RASD2: variants seen among roughly 807,000 people sequenced by gnomAD.
RASD2 encodes GTP-binding protein Rhes.
A neutral mutation model predicts 15.8 loss-of-function variants in RASD2; 7 were observed. That is an observed-to-expected ratio of 0.44 (90% CI 0.25 to 0.83). RASD2 has a LOEUF of 0.83. Among genes scored for constraint, RASD2 ranks in the 40% least tolerant of loss-of-function variants. The pLI is 0.20. For missense variants in RASD2, 274 were observed against 382.8 expected, an observed-to-expected ratio of 0.72 and a Z score of 2.37; for synonymous variants, 155 against 153.6, an observed-to-expected ratio of 1.01 and a Z score of -0.07.
At chr22:35,550,355 C>T (rs113238560) in intron 2 of RASD2, among the ~76,000 whole-genome samples, 9 of 147,328 alleles carry the variant, frequency 6.1e-5, no homozygotes, top group Admixed American at 4.2e-4. Flanking sequence ...GCAGGAGAAT[C>T]GCTTAAACCC....
chr22:35,544,353 C>T (rs1333281549), intron 1 of RASD2, among the ~76,000 whole-genome samples: 2 of 152,080 alleles, frequency 1.3e-5, no homozygotes, highest in Admixed American at 1.3e-4. Flanking sequence ...TGGCAGCCCC[C>T]TCTCCACCCT....
intron 1 of RASD2, among the ~76,000 whole-genome samples, chr22:35,544,827 A>G (rs535826716): frequency 6.6e-6 from 1 of 152,230 alleles, no homozygotes; most frequent in African/African-American, 2.4e-5. Context: ...TAAATTGGAG[A>G]ATAACACCAC....
chr22:35,553,514 A>T lies in RASD2; in HGVS notation c.*1482A>T, dbSNP rs768978346. On this transcript the variant is annotated 3_prime_UTR_variant, in exon 3 of 3. Coordinates refer to ENST00000216127, the MANE Select transcript of RASD2 (RefSeq NM_014310.4). Reference sequence around the variant, plus strand: ...TATTGGGTCTTTCTGAGGTTCAGAGAGGGTAAGTAACTTCCTCCAGGTCAC... The same window carrying T: ...TATTGGGTCTTTCTGAGGTTCAGAGTGGGTAAGTAACTTCCTCCAGGTCAC... The T allele has an allele frequency of 7.9e-5, 12 of 152,376 alleles. No homozygotes were observed. Among genetic ancestry groups the T allele is most frequent in the Non-Finnish European group, 1.6e-4 (11 of 68,032 alleles). The allele number at this position is 152,376 out of a possible 1,614,324, so 9.4% of individuals were successfully genotyped here. A position where few individuals can be genotyped will look rare whatever the true frequency, so the allele number is the denominator to read the frequency against.
intron 2 of RASD2, 145 bp downstream of exon 2, chr22:35,547,225 T>A (rs1024595280): frequency 3.5e-6 from 4 of 1,132,626 alleles, no homozygotes; most frequent in African/African-American, 3.1e-5. Flanking sequence ...AGAGAGGTTT[T>A]GCCATGTGCT....
chr22:35,536,936 G>A (rs1488696950), upstream of RASD2, among the ~76,000 whole-genome samples: 1 of 152,186 alleles, frequency 6.6e-6, no homozygotes, highest in Non-Finnish European at 1.5e-5. Flanking sequence ...TAAACCGTAT[G>A]GTGATGAAAC....
intron 2 of RASD2, among the ~76,000 whole-genome samples, chr22:35,549,783 G>A (rs1021162772): frequency 6.6e-6 from 1 of 152,234 alleles, no homozygotes; most frequent in African/African-American, 2.4e-5. Flanking sequence ...AATGTGCCAT[G>A]TGCCATTAAA....
Position 35,552,140 on chromosome 22 carries a change from A to G in RASD2, c.*108A>G. 1 of 1,389,522 alleles carries G rather than the reference A, an allele frequency of 7.2e-7. No individual in the cohort carries two copies. Among genetic ancestry groups the G allele is most frequent in the East Asian group, 2.4e-5 (1 of 41,898 alleles). The allele number at this position is 1,389,522 out of a possible 1,614,324, so 86.1% of individuals were successfully genotyped here. On this transcript the variant is annotated 3_prime_UTR_variant, in exon 3 of 3. Transcript: ENST00000216127. ...GCCCCGGCAGCAGTCTTGTTCACAGACCTTAGGCACCAGACTGGAGGCCCC... is the reference window on the plus strand; with the variant it reads ...GCCCCGGCAGCAGTCTTGTTCACAGGCCTTAGGCACCAGACTGGAGGCCCC...
upstream of RASD2, among the ~76,000 whole-genome samples, chr22:35,536,550 C>T (rs377384321): frequency 1.3e-5 from 2 of 152,206 alleles, no homozygotes; most frequent in East Asian, 1.9e-4. Flanking sequence ...TGGTCTCGAT[C>T]TCATGACCTT....
chr22:35,548,882 T>G (rs532503686), intron 2 of RASD2, among the ~76,000 whole-genome samples: 9 of 152,204 alleles, frequency 5.9e-5, no homozygotes, highest in Admixed American at 5.2e-4. Flanking sequence ...AGGGAGGCTG[T>G]GAGGACTGCA....
chr22:35,540,917 C>T lies in RASD2; in HGVS notation c.-593C>T, dbSNP rs1407231425. 6.5e-6 allele frequency: 1 copy of T among 152,702 alleles called. No homozygotes were observed. Among genetic ancestry groups the T allele is most frequent in the Non-Finnish European group, 1.5e-5 (1 of 68,518 alleles). The allele number at this position is 152,702 out of a possible 1,614,324, so 9.5% of individuals were successfully genotyped here. A position where few individuals can be genotyped will look rare whatever the true frequency, so the allele number is the denominator to read the frequency against. ...TCCGGCGCTGGGAGAGCTGCAGAGC[C>T]GCGGGCAGAGAAGGAGGCCGCGGCC... is the stretch of plus-strand genomic sequence containing the variant. On this transcript the variant is annotated 5_prime_UTR_variant, in exon 1 of 3. Transcript: ENST00000216127.
chr22:35,550,169 A>G (rs1326535730), intron 2 of RASD2, among the ~76,000 whole-genome samples: 6 of 152,204 alleles, frequency 3.9e-5, no homozygotes, highest in East Asian at 1.9e-4. Flanking sequence ...AGGCTGAGGC[A>G]GGAGAATCTC....
At position 35,551,919 on chromosome 22, in the gene RASD2, AT is replaced by A; in HGVS notation, c.689del (p.Met230ArgfsTer98). On this transcript the variant is annotated frameshift_variant, in exon 3 of 3. Coordinates refer to ENST00000216127, the MANE Select transcript of RASD2 (RefSeq NM_014310.4). LOFTEE classifies it high-confidence loss of function. The surrounding 1 kb of genome is among the most constrained non-coding windows in gnomAD (Gnocchi z 4.9). ...CGTCAAGGAGATGGACGCCTATGGC[AT>A]GGTCTCGCCCTTCGCCCGCCGCCCC... ...RRVKEMDAYG[M>X]VSPFARRPSV... 1 of 1,611,204 alleles carries A rather than the reference AT, an allele frequency of 6.2e-7. No homozygotes were observed. The highest frequency in any genetic ancestry group is 8.5e-7 in the Non-Finnish European group (1 of 1,180,002).
At chr22:35,537,165 C>A (rs1030627948), upstream of RASD2, among the ~76,000 whole-genome samples, 3 of 152,210 alleles carry the variant, frequency 2.0e-5, no homozygotes, top group African/African-American at 7.2e-5. Flanking sequence ...TCTCCCTGAA[C>A]CTCAGTTTCC....
chr22:35,546,666 C>T, intron 1 of RASD2, 135 bp from the exon 2 acceptor site: 1 of 1,205,480 alleles, frequency 8.3e-7, no homozygotes, highest in Non-Finnish European at 1.1e-6. Context: ...AACTCCAAGA[C>T]CCCTTAGAAC....
chr22:35,538,403 G>C (rs553553965), upstream of RASD2, among the ~76,000 whole-genome samples: 1 of 152,202 alleles, frequency 6.6e-6, no homozygotes, highest in South Asian at 2.1e-4. Context: ...AGGGACGAAG[G>C]GGGCAGCTAT....
At chr22:35,534,421 C>CTCTAATA in the RASD2 span, among the ~76,000 whole-genome samples, 1 of 152,194 alleles carries the variant, frequency 6.6e-6, no homozygotes, top group African/African-American at 2.4e-5. Context: ...CTACAAATGA[C>CTCTAATA]TCTAATAATG....
rs1934708105 is a variant in RASD2 at position 35,552,671 on chromosome 22, C to T, written c.*639C>T. The T allele has an allele frequency of 6.5e-6, 1 of 153,204 alleles. No homozygotes were observed. The highest frequency in any genetic ancestry group is 6.5e-5 in the Admixed American group (1 of 15,334). The allele number at this position is 153,204 out of a possible 1,614,324, so 9.5% of individuals were successfully genotyped here. ...TTAGACCACGCCCACCTCCTGACCG[C>T]GTTCCTCAGCCTCCTCTCCTAGGTC... On this transcript the variant is annotated 3_prime_UTR_variant, in exon 3 of 3. Coordinates refer to ENST00000216127, the MANE Select transcript of RASD2 (RefSeq NM_014310.4).
At chr22:35,535,187 T>C in the RASD2 span, among the ~76,000 whole-genome samples, 3 of 152,166 alleles carry the variant, frequency 2.0e-5, no homozygotes, top group Admixed American at 6.5e-5. Context: ...GAAGCTCGCT[T>C]GAGCCCAGGA....
chr22:35,539,481 CACA>C (rs1251347183), upstream of RASD2, among the ~76,000 whole-genome samples: 3 of 152,202 alleles, frequency 2.0e-5, no homozygotes, highest in African/African-American at 7.2e-5. Context: ...TGCTGTATCA[CACA>C]ACGAGAACAT....
Sources: allele counts gnomAD v4.1 joint callset (sites outside exome capture counted in the v4.1 genomes callset), GRCh38; gene constraint gnomAD v4.1.1; non-coding constraint Gnocchi (gnomAD v3.1); transcripts MANE v1.5; gene names NCBI Gene and HGNC (gene_info 2026-07-23, HGNC 2026-07-21).